C2CD5: variants seen among roughly 807,000 people sequenced by gnomAD.
C2CD5 encodes the protein C2 domain-containing protein 5.
Under a neutral mutation model 130.3 loss-of-function variants are expected in C2CD5, and 109 were observed. The observed-to-expected ratio is 0.84, with a 90% CI of 0.72 to 0.98. The LOEUF (loss-of-function observed/expected upper bound fraction) is 0.98. C2CD5 is among the 50% of genes least tolerant of loss of function. The pLI is 0.00. For synonymous variants in C2CD5, 454 were observed against 429.2 expected (o/e 1.06, Z -0.71); for missense variants, 996 against 1,261.8 (o/e 0.79, Z 3.19).
intron 22 of C2CD5, among the ~76,000 whole-genome samples, chr12:22,464,481 C>T (rs1454989871): frequency 6.6e-6 from 1 of 152,086 alleles, no homozygotes; most frequent in Non-Finnish European, 1.5e-5. Flanking sequence ...TTTCACTGTC[C>T]TCAAGCTGCC....
chr12:22,525,511 T>C, intron 5 of C2CD5, 99 bp downstream of exon 5: 1 of 751,944 alleles, frequency 1.3e-6, no homozygotes, highest in South Asian at 1.5e-5. Context: ...TAAAACCAAG[T>C]ACAATAGCTT....
chr12:22,505,661 C>A (rs57072633), intron 10 of C2CD5, among the ~76,000 whole-genome samples: 2,622 of 152,250 alleles, frequency 0.017, 79 homozygotes, highest in African/African-American at 0.06. Context: ...AAAGTTCCCA[C>A]TATTCATCAT....
At chr12:22,484,382 T>C (rs1030142858) in intron 13 of C2CD5, 90 of 218,688 alleles carry the variant, frequency 4.1e-4, no homozygotes, top group African/African-American at 1.9e-3. Context: ...TTCTAAAATG[T>C]GTTACATATT....
intron 10 of C2CD5, among the ~76,000 whole-genome samples, chr12:22,496,414 C>T (rs1324900871): frequency 1.3e-5 from 2 of 151,888 alleles, no homozygotes; most frequent in African/African-American, 2.4e-5. Flanking sequence ...AACATAAATG[C>T]AAACAGAGTC....
intron 9 of C2CD5, among the ~76,000 whole-genome samples, chr12:22,509,353 C>G (rs1028240476): frequency 2.0e-5 from 3 of 152,032 alleles, no homozygotes; most frequent in African/African-American, 7.3e-5. Context: ...CTTCTCAATT[C>G]AGGGTTCTTT....
rs1237618592 is a variant in C2CD5 at position 22,490,174 on chromosome 12, A to C, written c.1307T>G (p.Leu436Arg). The C allele has an allele frequency of 1.2e-6, 2 of 1,613,744 alleles. No individual in the cohort carries two copies. The highest frequency in any genetic ancestry group is 4.5e-5 in the East Asian group (2 of 44,878). Residue 436 changes from leucine (L) to arginine (R), a missense_variant, in exon 12 of 27, where the codon CTG becomes CGG. Around this residue, in one of 9 missense-constraint regions of C2CD5, gnomAD observed 590 missense variants for 631.4 expected, o/e 0.93. Coordinates refer to ENST00000446597, the MANE Select transcript of C2CD5 (RefSeq NM_001286176.2). ...ILSASGTAAV[L>R]NPRFLQDGTV... is the part of the protein sequence containing the mutation. ...GCCATCCTGCAGAAATCTAGGATTC[A>C]GTACAGCCGCTGTGCCAGATGCAGA...
Position 22,457,043 on chromosome 12 carries a change from A to C in C2CD5, c.2805T>G (p.Pro935=), listed in dbSNP as rs1458504730. The C allele has an allele frequency of 6.8e-6, 11 of 1,609,974 alleles. No individual in the cohort carries two copies. The highest frequency in any genetic ancestry group is 8.5e-6 in the Non-Finnish European group (10 of 1,177,148). The change falls in exon 25 of 27, where the codon CCT becomes CCG. Residue 935 remains proline (P), a synonymous_variant. Transcript: ENST00000446597. ...CAAGATACTTAGTTATTTTTGCTCC[A>C]GGAATAAAAGAAAGAGGTGTCATCT... is the stretch of plus-strand genomic sequence containing the variant. ...VVKMTPLSFI[P]GAKITKYLGI... is the part of the protein sequence containing the mutation.
intron 6 of C2CD5, 76 bp from the exon 7 acceptor site, chr12:22,523,700 A>T (rs1434939450): frequency 7.0e-5 from 11 of 157,390 alleles, no homozygotes; most frequent in South Asian, 1.9e-4. Flanking sequence ...TGGTAGTGGT[A>T]AAAAAAAAAA....
rs16925036 is a variant in C2CD5 at position 22,492,510 on chromosome 12, G to A, written c.1262+713C>T. ...AAAATATGGTTGAAAGTTAAGTGGG[G>A]TCAGACGACTTGAGAATAAGAAACT... On this transcript the variant is annotated intron_variant, in intron 11 of 26. Transcript: ENST00000446597. Among the ~76,000 whole-genome samples, 678 of 152,256 alleles carry A rather than the reference G, an allele frequency of 4.5e-3. 11 individuals are homozygous for A. In the East Asian group the frequency reaches 0.05, roughly 11 times the overall value.
intron 22 of C2CD5, among the ~76,000 whole-genome samples, chr12:22,464,191 A>C (rs1941684274): frequency 6.6e-6 from 1 of 152,224 alleles, no homozygotes; most frequent in Non-Finnish European, 1.5e-5. Context: ...ATAAGGGAAA[A>C]ATTCAACTGT....
At chr12:22,480,703 A>C (rs940927492) in intron 14 of C2CD5, among the ~76,000 whole-genome samples, 2 of 152,230 alleles carry the variant, frequency 1.3e-5, no homozygotes, top group African/African-American at 4.8e-5. Flanking sequence ...CATCAAGCAC[A>C]AATTATACAT....
At chr12:22,470,676 C>G in intron 21 of C2CD5, 148 bp downstream of exon 21, 1 of 594,810 alleles carries the variant, frequency 1.7e-6, no homozygotes, top group Non-Finnish European at 3.0e-6. Flanking sequence ...CTTATCCACA[C>G]AGTTATCTTC....
intron 2 of C2CD5, among the ~76,000 whole-genome samples, chr12:22,541,162 AAAT>A (rs1952341460): frequency 1.3e-5 from 2 of 152,334 alleles, no homozygotes; most frequent in Admixed American, 1.3e-4. Context: ...CTCAAATGGA[AAAT>A]GATCCTCCTC....
intron 10 of C2CD5, among the ~76,000 whole-genome samples, chr12:22,498,872 T>G (rs1255657401): frequency 6.6e-6 from 1 of 152,174 alleles, no homozygotes; most frequent in Non-Finnish European, 1.5e-5. Context: ...CAATTACATT[T>G]TGATACCACG....
intron 12 of C2CD5, among the ~76,000 whole-genome samples, chr12:22,487,596 T>C (rs1042697379): frequency 6.6e-6 from 1 of 152,084 alleles, no homozygotes; most frequent in African/African-American, 2.4e-5. Context: ...ACTTTTACAC[T>C]GTTGGTGGGA....
chr12:22,459,390 C>A (rs904447961), intron 23 of C2CD5, 102 bp downstream of exon 23: 4 of 668,834 alleles, frequency 6.0e-6, no homozygotes, highest in African/African-American at 1.8e-5. Context: ...GGTGTCTATT[C>A]CATATTGTCC....
chr12:22,484,822 T>G lies in C2CD5; in HGVS notation c.1425A>C (p.Pro475=). 1 of 1,609,220 alleles carries G rather than the reference T, an allele frequency of 6.2e-7. No homozygotes were observed. The highest frequency in any genetic ancestry group is 1.1e-5 in the South Asian group (1 of 90,532). Residue 475 remains proline (P), a synonymous_variant, in exon 13 of 27, where the codon CCA becomes CCC. Transcript: ENST00000446597. ...CHIPYDELNM[P]FPAHLTYCYN... is the part of the protein sequence containing the mutation. ...AGCAATATGTGAGATGAGCTGGAAA[T>G]GGCATATTCAGTTCATCATATGGTA...
At chr12:22,517,705 C>G (rs995269710) in intron 8 of C2CD5, among the ~76,000 whole-genome samples, 18 of 152,198 alleles carry the variant, frequency 1.2e-4, no homozygotes, top group African/African-American at 4.1e-4. Context: ...GATGTTATTC[C>G]TTTTAATTCG....
chr12:22,458,231 T>C (rs558395338), intron 24 of C2CD5, among the ~76,000 whole-genome samples: 1 of 152,292 alleles, frequency 6.6e-6, no homozygotes, highest in Admixed American at 6.5e-5. Context: ...TGATATAATA[T>C]CTATTTATAT....
Sources: gnomAD v4.1 joint callset for allele counts (sites outside exome capture counted in the v4.1 genomes callset) on GRCh38, gnomAD v4.1.1 for gene constraint, gnomAD v4.1.1 regional missense constraint, MANE v1.5 for transcripts, NCBI Gene and HGNC (gene_info 2026-07-23, HGNC 2026-07-21) for gene names.